The following PPP1R16B variants were observed in gnomAD, a reference collection of about 807,000 sequenced individuals.
PPP1R16B encodes the protein protein phosphatase 1 regulatory inhibitor subunit 16B.
PPP1R16B carries 14 observed loss-of-function variants against 61.7 expected under a neutral mutation model. That is an observed-to-expected ratio of 0.23 (90% confidence interval 0.15 to 0.35). The LOEUF (loss-of-function observed/expected upper bound fraction) is 0.35, where lower values mean the gene tolerates loss of function less well. Ranked by LOEUF, PPP1R16B falls within the 10% of genes least tolerant of loss-of-function variation. The pLI, the probability that PPP1R16B is intolerant of heterozygous loss-of-function variation, is 1.00. For missense variants in PPP1R16B, 547 were observed against 752.5 expected, an observed-to-expected ratio of 0.73 and a Z score of 3.19; for synonymous variants, 266 against 305.3, an observed-to-expected ratio of 0.87 and a Z score of 1.34.
At chr20:38,833,465 T>C (rs1229702637) in intron 1 of PPP1R16B, among the ~76,000 whole-genome samples, 1 of 152,248 alleles carries the variant, frequency 6.6e-6, no homozygotes, top group African/African-American at 2.4e-5. Context: ...GTCAGGTTTC[T>C]GGCTGTGATA....
rs568655910 is a variant in PPP1R16B at position 38,806,202 on chromosome 20, A to ACC, written c.-102+418_-102+419dup. On this transcript the variant is annotated intron_variant, in intron 1 of 10. Transcript: ENST00000299824. This position sits in a 1 kb window ranked among gnomAD's most constrained non-coding sequence, Gnocchi z 4.5. Reference sequence around the variant, plus strand: ...CGGGAGCCACAGCGGACACCAAACAACCCCCCCCCGCGCACTCTCCCGGCC... The same window carrying ACC: ...CGGGAGCCACAGCGGACACCAAACAACCCCCCCCCCCGCGCACTCTCCCGGCC... 3.0e-3 allele frequency among the ~76,000 whole-genome samples: 428 copies of ACC among 142,780 alleles called. 1 individual carries two copies. The highest frequency in any genetic ancestry group is 0.011 in the African/African-American group (402 of 38,214). 93.7% of individuals were successfully genotyped at this position (142,780 alleles called of 152,430 possible). A position where few individuals can be genotyped will look rare whatever the true frequency, so the allele number is the denominator to read the frequency against.
chr20:38,860,272 TTG>T, intron 2 of PPP1R16B, among the ~76,000 whole-genome samples: 1 of 152,230 alleles, frequency 6.6e-6, no homozygotes, highest in Non-Finnish European at 1.5e-5. Flanking sequence ...CCGGCTAATT[TTG>T]TATTTTTAGT....
intron 1 of PPP1R16B, among the ~76,000 whole-genome samples, chr20:38,818,604 A>G (rs1211846517): frequency 6.6e-6 from 1 of 152,182 alleles, no homozygotes; most frequent in Non-Finnish European, 1.5e-5. Context: ...AGGCAAGGAA[A>G]CCACTTTGGG....
chr20:38,876,658 G>A (rs2085169847), intron 2 of PPP1R16B, among the ~76,000 whole-genome samples: 1 of 152,024 alleles, frequency 6.6e-6, no homozygotes, highest in African/African-American at 2.4e-5. Context: ...TTGTATTATT[G>A]TTGCTATTTA....
At chr20:38,910,379 G>T (rs113223820) in intron 10 of PPP1R16B, among the ~76,000 whole-genome samples, 29 of 152,158 alleles carry the variant, frequency 1.9e-4, no homozygotes, top group African/African-American at 6.7e-4. Context: ...TTCTCTCTCC[G>T]TCCTTTCCCC....
chr20:38,806,477 G>T lies in PPP1R16B; in HGVS notation c.-102+685G>T, dbSNP rs2084662309. Among the ~76,000 whole-genome samples, 1 of 152,074 alleles carries T rather than the reference G, an allele frequency of 6.6e-6. No individual in the cohort carries two copies. Among genetic ancestry groups the T allele is most frequent in the Non-Finnish European group, 1.5e-5 (1 of 67,990 alleles). On this transcript the variant is annotated intron_variant, in intron 1 of 10. Transcript: ENST00000299824. The surrounding 1 kb of genome is among the most constrained non-coding windows in gnomAD (Gnocchi z 4.5). ...GTGCGCCGGCGGCTGGGTCCCCCGCGCCAGGAGCGCTCCCCTCTGGGCGAC... is the reference window on the plus strand; with the variant it reads ...GTGCGCCGGCGGCTGGGTCCCCCGCTCCAGGAGCGCTCCCCTCTGGGCGAC...
At chr20:38,842,117 AG>A (rs1486600929) in intron 2 of PPP1R16B, among the ~76,000 whole-genome samples, 1 of 152,220 alleles carries the variant, frequency 6.6e-6, no homozygotes, top group Non-Finnish European at 1.5e-5. Context: ...ACAGGTTTTA[AG>A]TGTCAGACTC....
intron 1 of PPP1R16B, among the ~76,000 whole-genome samples, chr20:38,832,106 C>T (rs932366763): frequency 6.8e-4 from 103 of 152,314 alleles, no homozygotes; most frequent in African/African-American, 2.4e-3. Context: ...GAAAGCCTTC[C>T]TTGAGAACCC....
intron 2 of PPP1R16B, among the ~76,000 whole-genome samples, chr20:38,865,194 C>CT (rs1233148759): frequency 1.3e-5 from 2 of 152,102 alleles, no homozygotes; most frequent in African/African-American, 2.4e-5. Flanking sequence ...TCTTCATACT[C>CT]TGCCTCCTTG....
chr20:38,836,203 C>T (rs755810706), intron 2 of PPP1R16B, 28 bp downstream of exon 2: 1 of 1,592,582 alleles, frequency 6.3e-7, no homozygotes, highest in Admixed American at 1.7e-5. Context: ...TTGGCGGCCA[C>T]GCAGCTGCCT....
chr20:38,864,480 G>C (rs1274114824), intron 2 of PPP1R16B, among the ~76,000 whole-genome samples: 3 of 152,128 alleles, frequency 2.0e-5, no homozygotes, highest in Non-Finnish European at 4.4e-5. Flanking sequence ...AACCTTTTGG[G>C]AGGTCCTTTT....
At chr20:38,837,582 C>T (rs2084880700) in intron 2 of PPP1R16B, among the ~76,000 whole-genome samples, 1 of 148,046 alleles carries the variant, frequency 6.8e-6, no homozygotes, top group Non-Finnish European at 1.5e-5. Context: ...CACTCTGTTG[C>T]CCAGGCTGGG....
chr20:38,890,944 C>A (rs529220801), intron 3 of PPP1R16B, among the ~76,000 whole-genome samples: 68 of 152,324 alleles, frequency 4.5e-4, no homozygotes, highest in African/African-American at 1.6e-3. Flanking sequence ...TTCTCTCTCA[C>A]AGGGCCTCAG....
At chr20:38,832,335 G>A (rs1256376841) in intron 1 of PPP1R16B, among the ~76,000 whole-genome samples, 1 of 152,206 alleles carries the variant, frequency 6.6e-6, no homozygotes, top group Non-Finnish European at 1.5e-5. Context: ...TCGTCACAGA[G>A]CAGGACTTCA....
intron 6 of PPP1R16B, among the ~76,000 whole-genome samples, chr20:38,903,751 C>T (rs1395138161): frequency 6.6e-6 from 1 of 152,242 alleles, no homozygotes; most frequent in African/African-American, 2.4e-5. Context: ...GTTAACTCCA[C>T]TCATCCTTGC....
chr20:38,825,009 A>C (rs6124088), intron 1 of PPP1R16B, among the ~76,000 whole-genome samples: 99,321 of 152,186 alleles, frequency 0.65, 32,720 homozygotes, highest in African/African-American at 0.73. Context: ...AAAATTCTAT[A>C]CCAACTACTT....
intron 2 of PPP1R16B, among the ~76,000 whole-genome samples, chr20:38,879,015 C>T (rs183297100): frequency 2.4e-4 from 37 of 152,150 alleles, no homozygotes; most frequent in Non-Finnish European, 4.3e-4. Context: ...ACGGCCAGTG[C>T]GTGTTTAGGC....
At chr20:38,837,031 A>T (rs2084877100) in intron 2 of PPP1R16B, among the ~76,000 whole-genome samples, 1 of 152,174 alleles carries the variant, frequency 6.6e-6, no homozygotes, top group Non-Finnish European at 1.5e-5. Context: ...GCAATTCATA[A>T]AGCTCTCCTC....
intron 3 of PPP1R16B, among the ~76,000 whole-genome samples, chr20:38,894,708 G>A (rs532137853): frequency 6.6e-6 from 1 of 152,258 alleles, no homozygotes; most frequent in South Asian, 2.1e-4. Context: ...CTGTAAAGTG[G>A]CTCCCTGTCT....
Sources: allele counts gnomAD v4.1 joint callset (sites outside exome capture counted in the v4.1 genomes callset), GRCh38; gene constraint gnomAD v4.1.1; non-coding constraint Gnocchi (gnomAD v3.1); transcripts MANE v1.5; gene names NCBI Gene and HGNC (gene_info 2026-07-23, HGNC 2026-07-21).